NBAS: variants seen among roughly 807,000 people sequenced by gnomAD.
NBAS encodes the protein NAG/BC035112 fusion.
Under a neutral mutation model 302.5 loss-of-function variants are expected in NBAS, and 219 were observed. The observed-to-expected ratio is 0.72, with a 90% CI of 0.65 to 0.81. The LOEUF (loss-of-function observed/expected upper bound fraction) is 0.81. NBAS is among the 30% of genes least tolerant of loss of function. The pLI is 0.00. For synonymous variants in NBAS, 1,118 were observed against 1,021.6 expected (o/e 1.09, Z -1.80); for missense variants, 2,932 against 2,841.6 (o/e 1.03, Z -0.72).
intron 51 of NBAS, among the ~76,000 whole-genome samples, chr2:15,175,564 G>A (rs763063755): frequency 2.0e-5 from 3 of 152,150 alleles, no homozygotes; most frequent in Non-Finnish European, 2.9e-5. Context: ...GAGAGAATAC[G>A]GTTTTGAAAG....
At chr2:15,517,901 G>T (rs1662477435) in intron 9 of NBAS, among the ~76,000 whole-genome samples, 1 of 152,110 alleles carries the variant, frequency 6.6e-6, no homozygotes, top group South Asian at 2.1e-4. Context: ...CCCAGGAAAA[G>T]ATCAAAATGC....
intron 21 of NBAS, among the ~76,000 whole-genome samples, chr2:15,437,974 G>A (rs79546265): frequency 0.013 from 1,938 of 152,278 alleles, 32 homozygotes; most frequent in East Asian, 0.06. Flanking sequence ...AAATGCCCTT[G>A]AGAGATAACA....
At chr2:15,317,200 C>T (rs113363537) in intron 38 of NBAS, among the ~76,000 whole-genome samples, 3,608 of 152,238 alleles carry the variant, frequency 0.024, 109 homozygotes, top group South Asian at 0.071. Flanking sequence ...GGAATCGCAT[C>T]AACATCAACA....
chr2:15,472,410 C>T (rs1344086342), intron 16 of NBAS, among the ~76,000 whole-genome samples: 1 of 152,176 alleles, frequency 6.6e-6, no homozygotes, highest in Admixed American at 6.5e-5. Context: ...AGGGAAGCTT[C>T]CCAGACTGGA....
At chr2:15,257,886 TATAAA>T (rs1347619485) in intron 44 of NBAS, among the ~76,000 whole-genome samples, 1 of 152,150 alleles carries the variant, frequency 6.6e-6, no homozygotes, top group Non-Finnish European at 1.5e-5. Context: ...TCTATGCAAA[TATAAA>T]ATAGAAAACT....
At chr2:15,437,304 GTCTCCATC>G (rs1346249571) in intron 21 of NBAS, among the ~76,000 whole-genome samples, 3 of 152,186 alleles carry the variant, frequency 2.0e-5, no homozygotes, top group African/African-American at 7.2e-5. Context: ...GTGACAGAGA[GTCTCCATC>G]TCTTGAAAGA....
chr2:15,330,671 G>A lies in NBAS; in HGVS notation c.4274C>T (p.Thr1425Ile), dbSNP rs887483687. Reference sequence around the variant, plus strand: ...ACTGACGGCCTGCAGCACCGCTTTGGTGGTGGTTGTGGTGTTGGAAAGGAC... The same window carrying A: ...ACTGACGGCCTGCAGCACCGCTTTGATGGTGGTTGTGGTGTTGGAAAGGAC... The part of the protein sequence containing the change: ...MKVLSNTTTT[T>I]KAVLQAVSDG... The change falls in exon 36 of 52, where the codon ACC becomes ATC. Residue 1425 changes from threonine (T) to isoleucine (I), a missense_variant. Physicochemically the swap from Thr to Ile is moderately conservative, Grantham distance 89. Transcript: ENST00000281513. 1 of 1,614,128 alleles carries A rather than the reference G, an allele frequency of 6.2e-7. No homozygotes were observed. The highest frequency in any genetic ancestry group is 1.7e-5 in the Admixed American group (1 of 60,004).
Position 15,488,961 on chromosome 2 carries a change from G to C in NBAS, c.1016C>G (p.Ser339Ter). 6.2e-7 allele frequency: 1 copy of C among 1,613,852 alleles called. No homozygotes were observed. Among genetic ancestry groups the C allele is most frequent in the Non-Finnish European group, 8.5e-7 (1 of 1,179,860 alleles). ...AATCGCCCAGATGCTCAGTTTCCCT[G>C]AGAAGTGAATGGCTGCCAGGAGCAT... The part of the protein sequence containing the change: ...DGMLLAAIHF[S>*]GKLSIWAIPS... The change falls in exon 12 of 52, where the codon TCA (serine) becomes TGA (stop). Residue 339 changes from serine to a stop codon, truncating the protein, a stop_gained. Transcript: ENST00000281513. LOFTEE classifies it high-confidence loss of function.
the NBAS span, among the ~76,000 whole-genome samples, chr2:14,838,589 A>T: frequency 6.6e-6 from 1 of 151,922 alleles, no homozygotes; most frequent in African/African-American, 2.4e-5. Flanking sequence ...TTTTATTTAC[A>T]TTGTCTTGTC....
At chr2:15,393,620 C>CGTATGTCTACACAAATGAAAGT (rs1675716161) in intron 28 of NBAS, 2 of 467,984 alleles carry the variant, frequency 4.3e-6, no homozygotes, top group Non-Finnish European at 4.4e-6. Context: ...GAAATGAAAG[C>CGTATGTCTACACAAATGAAAGT]GTATGTCTAC....
At chr2:15,312,158 G>A (rs1277621474) in intron 38 of NBAS, among the ~76,000 whole-genome samples, 2 of 152,190 alleles carry the variant, frequency 1.3e-5, no homozygotes, top group Admixed American at 1.3e-4. Flanking sequence ...TCCTCTGTGT[G>A]CGTCACCAGA....
At chr2:15,032,151 A>G in the NBAS span, among the ~76,000 whole-genome samples, 1 of 152,178 alleles carries the variant, frequency 6.6e-6, no homozygotes, top group Non-Finnish European at 1.5e-5. Flanking sequence ...CCACCTTGCT[A>G]TGGACTAGAT....
At chr2:15,449,172 ATT>A (rs1487031141) in intron 21 of NBAS, among the ~76,000 whole-genome samples, 4 of 152,214 alleles carry the variant, frequency 2.6e-5, no homozygotes, top group African/African-American at 9.6e-5. Flanking sequence ...TGAAGATTAT[ATT>A]GTTACATTAA....
chr2:14,864,294 C>T, the NBAS span, among the ~76,000 whole-genome samples: 4 of 144,388 alleles, frequency 2.8e-5, no homozygotes, highest in African/African-American at 1.1e-4. Context: ...GCACTCCAGC[C>T]TGGGTGACAG....
At chr2:15,090,301 A>G in the NBAS span, among the ~76,000 whole-genome samples, 3 of 152,230 alleles carry the variant, frequency 2.0e-5, no homozygotes, top group African/African-American at 4.8e-5. Context: ...CCATGTGTGA[A>G]TCACATCAAC....
intron 12 of NBAS, among the ~76,000 whole-genome samples, chr2:15,480,425 A>C (rs1680381257): frequency 6.6e-6 from 1 of 151,922 alleles, no homozygotes; most frequent in African/African-American, 2.4e-5. Flanking sequence ...GCACACAGAG[A>C]GCTAATAAAT....
At chr2:14,843,557 GAC>G in the NBAS span, among the ~76,000 whole-genome samples, 30 of 146,892 alleles carry the variant, frequency 2.0e-4, no homozygotes, top group Middle Eastern at 3.5e-3. Context: ...TACAGACACA[GAC>G]ACACACACAC....
At chr2:15,121,092 G>T in the NBAS span, among the ~76,000 whole-genome samples, 1 of 152,122 alleles carries the variant, frequency 6.6e-6, no homozygotes, top group Non-Finnish European at 1.5e-5. Context: ...AAATGGGGAT[G>T]GGATACAATT....
At chr2:15,360,797 C>T (rs955573539) in intron 32 of NBAS, among the ~76,000 whole-genome samples, 1 of 152,036 alleles carries the variant, frequency 6.6e-6, no homozygotes, top group Non-Finnish European at 1.5e-5. Flanking sequence ...GGAAGGCCTT[C>T]GGGCCATAAC....
Sources: gnomAD v4.1 joint callset for allele counts (sites outside exome capture counted in the v4.1 genomes callset) on GRCh38, gnomAD v4.1.1 for gene constraint, MANE v1.5 for transcripts, NCBI Gene and HGNC (gene_info 2026-07-23, HGNC 2026-07-21) for gene names.